NEGR1: variants seen among roughly 807,000 people sequenced by gnomAD.
NEGR1 encodes IgLON family member 4.
Under a neutral mutation model 40.9 loss-of-function variants are expected in NEGR1, and 10 were observed. The observed-to-expected ratio is 0.24, with a 90% confidence interval of 0.15 to 0.42. The LOEUF (loss-of-function observed/expected upper bound fraction) is 0.42. Ranked by LOEUF, NEGR1 falls within the 10% of genes least tolerant of loss-of-function variation. NEGR1 has a pLI of 1.00. For missense variants in NEGR1, 352 were observed against 438.9 expected (o/e 0.80, Z 1.77); for synonymous variants, 185 against 166.8 (o/e 1.11, Z -0.84).
chr1:71,730,877 CGTGTGTGTGTGT>C (rs59873481), intron 3 of NEGR1, among the ~76,000 whole-genome samples: 220 of 130,058 alleles, frequency 1.7e-3, no homozygotes, highest in Middle Eastern at 4.1e-3. Flanking sequence ...GTGAAGCATT[CGTGTGTGTGTGT>C]GTGTGTGTGT....
At chr1:72,188,411 A>G (rs1035488928) in intron 1 of NEGR1, among the ~76,000 whole-genome samples, 3 of 151,528 alleles carry the variant, frequency 2.0e-5, no homozygotes, top group Non-Finnish European at 4.4e-5. Context: ...TCACACTTGT[A>G]GAAATGGCAC....
intron 1 of NEGR1, among the ~76,000 whole-genome samples, chr1:72,127,159 A>G (rs1284452238): frequency 6.6e-6 from 1 of 152,166 alleles, no homozygotes; most frequent in Non-Finnish European, 1.5e-5. Context: ...GCACTTTAAA[A>G]AGTGAGAATT....
chr1:71,538,075 A>C (rs1241438266), intron 6 of NEGR1, among the ~76,000 whole-genome samples: 3 of 151,714 alleles, frequency 2.0e-5, no homozygotes, highest in Non-Finnish European at 4.4e-5. Flanking sequence ...ACCAAGACAG[A>C]CATTTTCAAT....
chr1:71,467,381 A>G (rs189471995), intron 6 of NEGR1, among the ~76,000 whole-genome samples: 4 of 152,196 alleles, frequency 2.6e-5, no homozygotes, highest in Admixed American at 6.6e-5. Flanking sequence ...TGCGTTATAC[A>G]TGTTATCTAT....
chr1:71,444,009 CAT>C (rs891459937), intron 6 of NEGR1, among the ~76,000 whole-genome samples: 2 of 152,180 alleles, frequency 1.3e-5, no homozygotes, highest in Non-Finnish European at 2.9e-5. Flanking sequence ...TTTAGCATCA[CAT>C]GTGTGCATCA....
At chr1:71,769,765 G>A (rs1295217865) in intron 3 of NEGR1, among the ~76,000 whole-genome samples, 3 of 152,072 alleles carry the variant, frequency 2.0e-5, no homozygotes, top group African/African-American at 4.8e-5. Context: ...TATTAGCAGC[G>A]TGAGAATAAA....
At chr1:71,773,561 G>T (rs753767522) in intron 3 of NEGR1, among the ~76,000 whole-genome samples, 10 of 152,120 alleles carry the variant, frequency 6.6e-5, no homozygotes, top group Non-Finnish European at 1.3e-4. Context: ...TATCGGACAT[G>T]TTCCTTAAAG....
rs756076229 is a variant in NEGR1 at position 71,597,472 on chromosome 1, C to CTCTCTCTCTG, written c.789-4505_789-4504insCAGAGAGAGA. Among the ~76,000 whole-genome samples, 72 of 31,328 alleles carry CTCTCTCTCTG rather than the reference C, an allele frequency of 2.3e-3. 2 individuals carry two copies. The highest frequency in any genetic ancestry group is 0.018 in the South Asian group (8 of 436). 20.6% of individuals were successfully genotyped at this position (31,328 alleles called of 152,430 possible). Reference sequence around the variant, plus strand: ...TCTCTCTCTCTCTCTCTCTCTCTCTCTGTGTGTGTGTGTGTGTGTGTGTGT... The same window carrying CTCTCTCTCTG: ...TCTCTCTCTCTCTCTCTCTCTCTCTCTCTCTCTCTGTGTGTGTGTGTGTGTGTGTGTGTGT... On this transcript the variant is annotated intron_variant, in intron 5 of 6. Transcript: ENST00000357731.
chr1:72,197,443 A>G (rs1653039704), intron 1 of NEGR1, among the ~76,000 whole-genome samples: 2 of 152,192 alleles, frequency 1.3e-5, no homozygotes, highest in South Asian at 4.1e-4. Context: ...GTTTTAGTCT[A>G]TCACGTAACT....
chr1:71,621,738 C>T (rs1650614917), intron 4 of NEGR1, among the ~76,000 whole-genome samples: 1 of 151,848 alleles, frequency 6.6e-6, no homozygotes, highest in South Asian at 2.1e-4. Context: ...TTGTTTGAAA[C>T]TATTAACCTA....
intron 1 of NEGR1, among the ~76,000 whole-genome samples, chr1:72,166,235 T>C (rs999549933): frequency 3.3e-5 from 5 of 151,900 alleles, no homozygotes; most frequent in African/African-American, 1.2e-4. Flanking sequence ...TTAAAAAAAA[T>C]ATCGCCTCAT....
chr1:71,556,487 C>T (rs540047853), intron 6 of NEGR1, among the ~76,000 whole-genome samples: 2 of 151,588 alleles, frequency 1.3e-5, no homozygotes, highest in African/African-American at 2.4e-5. Flanking sequence ...ATTTTAGAAG[C>T]GTTTGCTATG....
chr1:72,191,916 A>G lies in NEGR1; in HGVS notation c.176+90403T>C, dbSNP rs1029034501. Among the ~76,000 whole-genome samples the G allele has an allele frequency of 2.6e-5, 4 of 151,872 alleles. No homozygotes were observed. In the South Asian group the frequency reaches 8.3e-4, roughly 31 times the overall value. ...TTCCTCTCACAAATCAATACTCAGA[A>G]GCAAATGTCTGTTCCCTAAGGTAAC... On this transcript the variant is annotated intron_variant, in intron 1 of 6. Coordinates refer to ENST00000357731, the MANE Select transcript of NEGR1 (RefSeq NM_173808.3).
intron 1 of NEGR1, among the ~76,000 whole-genome samples, chr1:72,146,945 T>C (rs979653212): frequency 1.3e-5 from 2 of 152,168 alleles, no homozygotes; most frequent in Admixed American, 6.6e-5. Context: ...TGATGTACAA[T>C]TGCTTTCAAA....
chr1:71,429,252 G>T (rs1646449789), intron 6 of NEGR1, among the ~76,000 whole-genome samples: 1 of 151,992 alleles, frequency 6.6e-6, no homozygotes, highest in Non-Finnish European at 1.5e-5. Context: ...CTAGCATGTA[G>T]TATTTAAATG....
intron 6 of NEGR1, among the ~76,000 whole-genome samples, chr1:71,435,633 C>T (rs1220010980): frequency 6.6e-6 from 1 of 152,076 alleles, no homozygotes; most frequent in East Asian, 1.9e-4. Context: ...TGAATGAATG[C>T]AGTTGGGCTC....
chr1:71,768,877 G>C (rs941557339), intron 3 of NEGR1, among the ~76,000 whole-genome samples: 1 of 152,060 alleles, frequency 6.6e-6, no homozygotes, highest in African/African-American at 2.4e-5. Context: ...GTTCTCAGGA[G>C]ATCTGGTTGT....
chr1:72,252,292 C>T (rs1479006442), intron 1 of NEGR1, among the ~76,000 whole-genome samples: 3 of 152,220 alleles, frequency 2.0e-5, no homozygotes, highest in Non-Finnish European at 4.4e-5. Context: ...GATCCACCCA[C>T]CTCAGCCTCC....
chr1:71,811,521 A>G (rs928236344), intron 2 of NEGR1, among the ~76,000 whole-genome samples: 2 of 151,826 alleles, frequency 1.3e-5, no homozygotes, highest in African/African-American at 4.8e-5. Flanking sequence ...TTTTCTTCAT[A>G]GTACTTATAA....
Sources: gnomAD v4.1 joint callset for allele counts (sites outside exome capture counted in the v4.1 genomes callset) on GRCh38, gnomAD v4.1.1 for gene constraint, MANE v1.5 for transcripts, NCBI Gene and HGNC (gene_info 2026-07-23, HGNC 2026-07-21) for gene names.